Variants in RAB27A observed in about 807,000 individuals in gnomAD.
RAB27A encodes the protein RAB27A, member RAS oncogene family, also known as ras-related protein Rab-27A.
RAB27A carries 17 observed loss-of-function variants against 20.8 expected under a neutral mutation model. That is an observed-to-expected ratio of 0.82 (90% CI 0.56 to 1.23). The LOEUF (loss-of-function observed/expected upper bound fraction) is 1.23, where lower values mean the gene tolerates loss of function less well. Among genes scored for constraint, RAB27A ranks in the 50% most tolerant of loss-of-function variants. RAB27A has a pLI of 0.00. For missense variants in RAB27A, 277 were observed against 266.7 expected (o/e 1.04, Z -0.27); for synonymous variants, 85 against 92.8 (o/e 0.92, Z 0.48).
rs780596696 is a variant in RAB27A at position 55,235,070 on chromosome 15, C to G, written c.-22-114G>C. The G allele has an allele frequency of 1.1e-4, 97 of 846,256 alleles. No homozygotes were observed. In the African/African-American group the frequency reaches 1.5e-3, roughly 13 times the overall value. 52.4% of individuals were successfully genotyped at this position (846,256 alleles called of 1,614,324 possible). A position where few individuals can be genotyped will look rare whatever the true frequency, so the allele number is the denominator to read the frequency against. ...CACCTAATGTTAACCTGTATGTCTA[C>G]GGGTTGTATGAAAAGAGAGTTACAT... On this transcript the variant is annotated intron_variant, in intron 2 of 6. Transcript: ENST00000336787.
chr15:55,277,607 C>T (rs1447733817), intron 1 of RAB27A, among the ~76,000 whole-genome samples: 1 of 152,262 alleles, frequency 6.6e-6, no homozygotes, highest in African/African-American at 2.4e-5. Flanking sequence ...CTACCCCTTC[C>T]GATGCACTGT....
intron 2 of RAB27A, among the ~76,000 whole-genome samples, chr15:55,299,080 TTAAAG>T (rs1166973771): frequency 2.6e-5 from 4 of 152,252 alleles, no homozygotes; most frequent in Admixed American, 1.3e-4. Context: ...GATTAAGAGA[TTAAAG>T]TAAAGACAGG....
intron 6 of RAB27A, among the ~76,000 whole-genome samples, chr15:55,217,390 G>A (rs377452777): frequency 3.9e-5 from 6 of 152,014 alleles, no homozygotes; most frequent in South Asian, 4.2e-4. Context: ...GGCTGGAGGC[G>A]GTGGCTCACC....
In RAB27A at chr15:55,230,335, T is replaced by C. The variant is rs117459641; in HGVS notation, c.239+66A>G. 4.1e-3 allele frequency: 5,876 copies of C among 1,442,816 alleles called. 51 individuals are homozygous for C. Among genetic ancestry groups the C allele is most frequent in the Non-Finnish European group, 3.6e-3 (3,673 of 1,025,330 alleles). 89.4% of individuals were successfully genotyped at this position (1,442,816 alleles called of 1,614,324 possible). On this transcript the variant is annotated intron_variant, in intron 4 of 6. Transcript: ENST00000336787. The stretch of plus-strand genomic sequence containing the variant: ...GCTGGCTTTTTCCTGCTCAGGTCAC[T>C]GTTTGAAGAATGTAACTATTTTTCC...
In RAB27A at chr15:55,219,079, T is replaced by G. The variant is rs936836660; in HGVS notation, c.467+4810A>C. Among the ~76,000 whole-genome samples the G allele has an allele frequency of 7.9e-5, 12 of 151,998 alleles. 1 individual carries two copies. The South Asian group carries it at 2.5e-3, about 32-fold the overall frequency. ...CACATTTTTCTCTATTTTCCTCAACTCTGAATCAAGAACAAAGGCTTATTA... is the reference window on the plus strand; with the variant it reads ...CACATTTTTCTCTATTTTCCTCAACGCTGAATCAAGAACAAAGGCTTATTA... On this transcript the variant is annotated intron_variant, in intron 6 of 6. Coordinates refer to ENST00000336787, the MANE Select transcript of RAB27A (RefSeq NM_183235.3).
chr15:55,238,019 C>A (rs1314752118), intron 2 of RAB27A: 2 of 152,084 alleles, frequency 1.3e-5, no homozygotes, highest in African/African-American at 4.8e-5. Flanking sequence ...GTTTTCTATT[C>A]ACAATAGCAA....
At chr15:55,257,363 G>C (rs11630859) in intron 2 of RAB27A, among the ~76,000 whole-genome samples, 49,601 of 151,990 alleles carry the variant, frequency 0.33, 8,918 homozygotes, top group East Asian at 0.79. Flanking sequence ...GCTCCAAAAA[G>C]AGGGCCATGA....
Position 55,235,070 on chromosome 15 carries a change from CG to C in RAB27A, c.-22-115del, listed in dbSNP as rs61605404. 0.012 allele frequency: 10,273 copies of C among 846,224 alleles called. 783 individuals carry two copies. In the African/African-American group the frequency reaches 0.16, roughly 13 times the overall value. The allele number at this position is 846,224 out of a possible 1,614,324, so 52.4% of individuals were successfully genotyped here. A position where few individuals can be genotyped will look rare whatever the true frequency, so the allele number is the denominator to read the frequency against. ...CACCTAATGTTAACCTGTATGTCTA[CG>C]GGTTGTATGAAAAGAGAGTTACATA... is the stretch of plus-strand genomic sequence containing the variant. On this transcript the variant is annotated intron_variant, in intron 2 of 6. Coordinates refer to ENST00000336787, the MANE Select transcript of RAB27A (RefSeq NM_183235.3).
chr15:55,310,102 C>A (rs140450989), intron 2 of RAB27A, among the ~76,000 whole-genome samples: 346 of 152,162 alleles, frequency 2.3e-3, no homozygotes, highest in African/African-American at 7.9e-3. Flanking sequence ...GAATGTCTCT[C>A]CCTAACAAGG....
chr15:55,300,321 G>T (rs1040272492), intron 2 of RAB27A, among the ~76,000 whole-genome samples: 1 of 152,120 alleles, frequency 6.6e-6, no homozygotes, highest in Non-Finnish European at 1.5e-5. Context: ...CAACCAGGGT[G>T]TCTTGACCCA....
At chr15:55,224,186 G>C (rs770745312) in intron 5 of RAB27A, among the ~76,000 whole-genome samples, 174 bp from the exon 6 acceptor site, 2 of 152,214 alleles carry the variant, frequency 1.3e-5, no homozygotes, top group Non-Finnish European at 2.9e-5. Flanking sequence ...AGTTGGGGCA[G>C]AAATATAAAA....
intron 1 of RAB27A, among the ~76,000 whole-genome samples, chr15:55,275,578 G>C (rs553385428): frequency 1.4e-4 from 22 of 151,834 alleles, no homozygotes; most frequent in African/African-American, 5.3e-4. Flanking sequence ...GTGAGCAGAG[G>C]TTGTGCCATT....
intron 2 of RAB27A, among the ~76,000 whole-genome samples, chr15:55,308,506 T>C (rs944315744): frequency 1.3e-5 from 2 of 152,258 alleles, no homozygotes; most frequent in East Asian, 1.9e-4. Context: ...GACCACTGCA[T>C]ACCCTGCTTT....
At chr15:55,289,375 G>C (rs924381356) in intron 1 of RAB27A, 2 of 152,350 alleles carry the variant, frequency 1.3e-5, no homozygotes, top group African/African-American at 4.8e-5. Flanking sequence ...GAATGAACCG[G>C]GGGGCGTGCG....
At chr15:55,214,662 AGTTACT>A (rs1895197520) in intron 6 of RAB27A, among the ~76,000 whole-genome samples, 1 of 152,156 alleles carries the variant, frequency 6.6e-6, no homozygotes, top group Admixed American at 6.5e-5. Context: ...CTTGCCTCTT[AGTTACT>A]GTCAATCTTT....
At chr15:55,262,026 G>A (rs1376154747) in intron 2 of RAB27A, among the ~76,000 whole-genome samples, 10 of 144,554 alleles carry the variant, frequency 6.9e-5, no homozygotes, top group Non-Finnish European at 1.0e-4. Context: ...GACAGGGCGA[G>A]ACTCCATCCC....
At chr15:55,221,561 A>G (rs989649774) in intron 6 of RAB27A, among the ~76,000 whole-genome samples, 6 of 152,146 alleles carry the variant, frequency 3.9e-5, no homozygotes, top group African/African-American at 1.4e-4. Flanking sequence ...ACCATTGCAC[A>G]TGAAGATCAC....
At chr15:55,292,629 G>T (rs578028280), upstream of RAB27A, among the ~76,000 whole-genome samples, 1 of 152,312 alleles carries the variant, frequency 6.6e-6, no homozygotes, top group South Asian at 2.1e-4. Context: ...TAAGCAACAG[G>T]AAGAAAACCT....
intron 2 of RAB27A, chr15:55,238,131 A>T (rs1387574919): frequency 6.6e-6 from 1 of 152,142 alleles, no homozygotes; most frequent in Admixed American, 6.6e-5. Context: ...CACTTTTCAG[A>T]TTGTATCTTT....
Sources: gnomAD v4.1 joint callset for allele counts (sites outside exome capture counted in the v4.1 genomes callset) on GRCh38, gnomAD v4.1.1 for gene constraint, MANE v1.5 for transcripts, NCBI Gene and HGNC (gene_info 2026-07-23, HGNC 2026-07-21) for gene names.